LHFPL2: variants seen among roughly 807,000 people sequenced by gnomAD.
The protein encoded by LHFPL2 is LHFPL tetraspan subfamily member 2 protein.
LHFPL2 carries 7 observed loss-of-function variants against 17.5 expected under a neutral mutation model. That is an observed-to-expected ratio of 0.40 (90% CI 0.23 to 0.75). LHFPL2 has a LOEUF of 0.75. Ranked by LOEUF, LHFPL2 falls within the 30% of genes least tolerant of loss-of-function variation. The pLI, the probability that LHFPL2 is intolerant of heterozygous loss-of-function variation, is 0.37. For synonymous variants in LHFPL2, 134 were observed against 116.2 expected (o/e 1.15, Z -0.99); for missense variants, 241 against 294.8 (o/e 0.82, Z 1.34).
intron 3 of LHFPL2, among the ~76,000 whole-genome samples, chr5:78,555,337 TA>T (rs1756543732): frequency 1.3e-5 from 2 of 152,266 alleles, no homozygotes; most frequent in African/African-American, 4.8e-5. Context: ...TAGATTCCAT[TA>T]AAGTAGCATA....
intron 4 of LHFPL2, among the ~76,000 whole-genome samples, chr5:78,508,348 C>A (rs969731083): frequency 6.6e-6 from 1 of 152,158 alleles, no homozygotes; most frequent in Admixed American, 6.5e-5. Context: ...CTGATCCTGG[C>A]AGATGTAGAG....
intron 3 of LHFPL2, among the ~76,000 whole-genome samples, chr5:78,533,282 C>T (rs983441018): frequency 3.3e-5 from 5 of 152,160 alleles, no homozygotes; most frequent in African/African-American, 1.2e-4. Context: ...GAACATTGAG[C>T]CTTCACCGTA....
intron 4 of LHFPL2, among the ~76,000 whole-genome samples, chr5:78,494,832 C>A (rs576635153): frequency 1.8e-4 from 28 of 152,172 alleles, no homozygotes; most frequent in Non-Finnish European, 3.8e-4. Flanking sequence ...AATAATCAGA[C>A]TGGGCTCCGT....
intron 1 of LHFPL2, chr5:78,644,214 C>T: frequency 1.6e-6 from 1 of 633,592 alleles, no homozygotes; most frequent in Non-Finnish European, 2.8e-6. Flanking sequence ...GAAATGCATA[C>T]AGGGAGTTGA....
In LHFPL2 at chr5:78,648,480, C is replaced by A. The variant is rs1745969956; in HGVS notation, c.-350+19G>T. The A allele has an allele frequency of 6.6e-6, 1 of 151,690 alleles. No homozygotes were observed. 9.4% of individuals were successfully genotyped at this position (151,690 alleles called of 1,614,324 possible). ...TCTCCCCTCCCGCAGCGCGCGCGGG[C>A]CCGACGCCTGCCACTCACCCGGCCC... On this transcript the variant is annotated intron_variant, in intron 1 of 4. Transcript: ENST00000380345. This position sits in a 1 kb window ranked among gnomAD's most constrained non-coding sequence, Gnocchi z 5.4.
intron 4 of LHFPL2, among the ~76,000 whole-genome samples, chr5:78,504,013 C>T (rs6453397): frequency 0.33 from 49,676 of 151,860 alleles, 8,768 homozygotes; most frequent in East Asian, 0.69. Context: ...CATAACATGT[C>T]TGCATTTTTT....
chr5:78,622,186 G>A lies in LHFPL2; in HGVS notation c.-245+10078C>T, dbSNP rs138564269. ...ACACTCAGGAGCAGGCTTCAAAAGC[G>A]ACAGGGTGGCACCAGCACTTACATG... is the stretch of plus-strand genomic sequence containing the variant. On this transcript the variant is annotated intron_variant, in intron 2 of 4. Coordinates refer to ENST00000380345, the MANE Select transcript of LHFPL2 (RefSeq NM_005779.3). 2.0e-4 allele frequency among the ~76,000 whole-genome samples: 31 copies of A among 152,248 alleles called. No individual in the cohort carries two copies. In the East Asian group the frequency reaches 4.8e-3, roughly 24 times the overall value.
chr5:78,645,591 C>CACACACAT (rs1195015805), intron 1 of LHFPL2, among the ~76,000 whole-genome samples: 4 of 126,592 alleles, frequency 3.2e-5, no homozygotes, highest in African/African-American at 1.2e-4. Context: ...CACACACACA[C>CACACACAT]ATTTTTTTTG....
chr5:78,514,479 C>G (rs899380437), intron 3 of LHFPL2, among the ~76,000 whole-genome samples: 18 of 152,130 alleles, frequency 1.2e-4, no homozygotes, highest in African/African-American at 4.3e-4. Context: ...ACAGATTCTT[C>G]CCAGAGCCCT....
At chr5:78,647,660 G>C (rs1445139643) in intron 1 of LHFPL2, among the ~76,000 whole-genome samples, 1 of 152,122 alleles carries the variant, frequency 6.6e-6, no homozygotes, top group African/African-American at 2.4e-5. Flanking sequence ...GGACGGGGGT[G>C]GGGATAGGAC....
intron 1 of LHFPL2, among the ~76,000 whole-genome samples, chr5:78,633,272 A>C (rs754342711): frequency 1.3e-5 from 2 of 152,174 alleles, no homozygotes; most frequent in African/African-American, 2.4e-5. Context: ...TCTCCAGTGA[A>C]CCACTGCTTC....
chr5:78,528,569 T>C (rs1755689274), intron 3 of LHFPL2, among the ~76,000 whole-genome samples: 1 of 152,350 alleles, frequency 6.6e-6, no homozygotes, highest in Non-Finnish European at 1.5e-5. Flanking sequence ...CGTTGCTCTA[T>C]TGTATTCATG....
chr5:78,545,285 G>A (rs1318402335), intron 3 of LHFPL2, among the ~76,000 whole-genome samples: 1 of 152,160 alleles, frequency 6.6e-6, no homozygotes, highest in Admixed American at 6.5e-5. Flanking sequence ...CAACACCGAA[G>A]GCTCTATCTC....
At chr5:78,573,764 A>G (rs1313297667) in intron 2 of LHFPL2, among the ~76,000 whole-genome samples, 1 of 152,264 alleles carries the variant, frequency 6.6e-6, no homozygotes, top group Non-Finnish European at 1.5e-5. Flanking sequence ...TTCTGGGGGA[A>G]AAATAAATCA....
intron 2 of LHFPL2, among the ~76,000 whole-genome samples, chr5:78,618,613 C>T (rs1476391122): frequency 6.6e-6 from 1 of 152,182 alleles, no homozygotes; most frequent in African/African-American, 2.4e-5. Flanking sequence ...AGTGTTCCTT[C>T]CAACAAGACA....
At position 78,487,415 on chromosome 5, in the gene LHFPL2, A is replaced by G. The variant is rs1754284069; in HGVS notation, c.*1482T>C. ...TCCACAGAAGGTACTTTTTCAAAAC[A>G]AAGTCCTCAAGTGAGCAGATTAATG... On this transcript the variant is annotated 3_prime_UTR_variant, in exon 5 of 5. Transcript: ENST00000380345. 6.6e-6 allele frequency: 1 copy of G among 152,210 alleles called. No individual in the cohort carries two copies. Among genetic ancestry groups the G allele is most frequent in the South Asian group, 2.1e-4 (1 of 4,824 alleles). 9.4% of individuals were successfully genotyped at this position (152,210 alleles called of 1,614,324 possible). A position where few individuals can be genotyped will look rare whatever the true frequency, so the allele number is the denominator to read the frequency against.
At chr5:78,576,515 T>C (rs1348406822) in intron 2 of LHFPL2, among the ~76,000 whole-genome samples, 2 of 152,096 alleles carry the variant, frequency 1.3e-5, no homozygotes, top group Non-Finnish European at 2.9e-5. Context: ...ATGAGCTGTG[T>C]CTCTTTAAGG....
At chr5:78,528,795 T>C (rs553880017) in intron 3 of LHFPL2, among the ~76,000 whole-genome samples, 5 of 152,276 alleles carry the variant, frequency 3.3e-5, no homozygotes, top group African/African-American at 1.2e-4. Context: ...TTTAAGTGTA[T>C]CAATAAATAT....
chr5:78,541,359 G>T (rs1448721276), intron 3 of LHFPL2, among the ~76,000 whole-genome samples: 1 of 152,188 alleles, frequency 6.6e-6, no homozygotes, highest in Non-Finnish European at 1.5e-5. Context: ...ATGGTCTTAG[G>T]AGTGTTTCCT....
Sources: gnomAD v4.1 joint callset for allele counts (sites outside exome capture counted in the v4.1 genomes callset) on GRCh38, gnomAD v4.1.1 for gene constraint, Gnocchi (gnomAD v3.1) non-coding constraint, MANE v1.5 for transcripts, NCBI Gene and HGNC (gene_info 2026-07-23, HGNC 2026-07-21) for gene names.